PCDHA8: variants seen among roughly 807,000 people sequenced by gnomAD.
PCDHA8 encodes the protein protocadherin alpha-8.
PCDHA8 carries 53 observed loss-of-function variants against 61.8 expected under a neutral mutation model. The observed-to-expected ratio is 0.86, with a 90% CI of 0.69 to 1.08. PCDHA8 has a LOEUF of 1.08. Among genes scored for constraint, PCDHA8 ranks in the 50% least tolerant of loss-of-function variants. The pLI, the probability that PCDHA8 is intolerant of heterozygous loss-of-function variation, is 0.00. For synonymous variants in PCDHA8, 618 were observed against 556.6 expected (o/e 1.11, Z -1.55); for missense variants, 1,293 against 1,245.0 (o/e 1.04, Z -0.58).
At chr5:141,007,977 T>A (rs564286183) in intron 3 of PCDHA8, among the ~76,000 whole-genome samples, 20 of 152,362 alleles carry the variant, frequency 1.3e-4, no homozygotes, top group African/African-American at 4.8e-4. Flanking sequence ...GTCTGTCATG[T>A]ATATATGAAA....
chr5:140,882,364 C>G (rs1582611912), intron 1 of PCDHA8: 13 of 1,614,244 alleles, frequency 8.1e-6, no homozygotes, highest in Non-Finnish European at 1.1e-5. Flanking sequence ...GCCAGCTCCA[C>G]TACTCCGTCC....
intron 1 of PCDHA8, chr5:140,875,324 C>T (rs2055413972): frequency 3.5e-6 from 5 of 1,426,162 alleles, no homozygotes; most frequent in East Asian, 5.0e-5. Context: ...CAATCATTCA[C>T]GGAATAGGAT....
At chr5:140,937,944 G>T (rs2091858064) in intron 1 of PCDHA8, among the ~76,000 whole-genome samples, 1 of 151,532 alleles carries the variant, frequency 6.6e-6, no homozygotes. Flanking sequence ...TTTGATAATT[G>T]GCTTTTGTTG....
intron 1 of PCDHA8, chr5:140,855,963 AT>A: frequency 7.1e-7 from 1 of 1,404,396 alleles, no homozygotes; most frequent in Non-Finnish European, 9.7e-7. Context: ...TAAAAAATAG[AT>A]ATAAGAAATA....
chr5:140,973,631 A>G (rs1554235456), intron 1 of PCDHA8, among the ~76,000 whole-genome samples: 1 of 152,210 alleles, frequency 6.6e-6, no homozygotes, highest in African/African-American at 2.4e-5. Flanking sequence ...TGTATCTTGT[A>G]CACATTCTGA....
chr5:140,858,323 G>A, intron 1 of PCDHA8: 2 of 1,596,704 alleles, frequency 1.3e-6, no homozygotes, highest in Non-Finnish European at 1.7e-6. Context: ...GGTGTGTTCT[G>A]GGGAGGGCCT....
intron 1 of PCDHA8, among the ~76,000 whole-genome samples, chr5:140,936,196 G>A (rs1251323087): frequency 1.3e-5 from 2 of 152,072 alleles, no homozygotes; most frequent in African/African-American, 4.8e-5. Flanking sequence ...CCCAGCCAAA[G>A]TTGTCTTTTT....
intron 1 of PCDHA8, chr5:140,877,328 A>G (rs782817195): frequency 1.2e-6 from 2 of 1,613,980 alleles, no homozygotes; most frequent in Non-Finnish European, 1.7e-6. Context: ...GTCGGCGCGC[A>G]CATCCCGTTC....
At chr5:140,986,828 G>C (rs1001117075) in intron 3 of PCDHA8, among the ~76,000 whole-genome samples, 2 of 152,146 alleles carry the variant, frequency 1.3e-5, no homozygotes, top group African/African-American at 2.4e-5. Flanking sequence ...TTTAGACAAT[G>C]GTTCTCAAAG....
chr5:140,898,670 C>T (rs574817267), intron 1 of PCDHA8, among the ~76,000 whole-genome samples: 20 of 152,200 alleles, frequency 1.3e-4, no homozygotes, highest in South Asian at 6.2e-4. Context: ...CTTGGTGTTG[C>T]GGGCTGTTTT....
Position 140,969,468 on chromosome 5 carries a change from A to G in PCDHA8, c.2395-9481A>G, listed in dbSNP as rs1554231867. 18 of 1,486,304 alleles carry G rather than the reference A, an allele frequency of 1.2e-5. No individual in the cohort carries two copies. In the South Asian group the frequency reaches 2.5e-4, roughly 21 times the overall value. 92.1% of individuals were successfully genotyped at this position (1,486,304 alleles called of 1,614,324 possible). The stretch of plus-strand genomic sequence containing the variant: ...AAACTGAGTATATATAGTATCCACA[A>G]TTTGATCATAATCTGCTATTTCCTC... On this transcript the variant is annotated intron_variant, in intron 1 of 3. Transcript: ENST00000531613.
At chr5:140,898,906 G>A (rs199581699) in intron 1 of PCDHA8, among the ~76,000 whole-genome samples, 45,464 of 151,416 alleles carry the variant, frequency 0.3, 7,269 homozygotes, top group East Asian at 0.52. Context: ...GGTCCTTCAC[G>A]TCCCTTGTAA....
At chr5:140,870,338 T>C in intron 1 of PCDHA8, 1 of 1,614,186 alleles carries the variant, frequency 6.2e-7, no homozygotes, top group Non-Finnish European at 8.5e-7. Context: ...GACAGCGCCC[T>C]GGACCGCGAG....
chr5:140,986,280 C>T (rs2097193236), intron 3 of PCDHA8, among the ~76,000 whole-genome samples: 1 of 152,116 alleles, frequency 6.6e-6, no homozygotes, highest in African/African-American at 2.4e-5. Flanking sequence ...TTTCAGCTTC[C>T]CTTGAGACTG....
chr5:141,009,772 C>T lies in PCDHA8; in HGVS notation c.2688C>T (p.Ile896=). The T allele has an allele frequency of 1.9e-6, 3 of 1,614,158 alleles. No individual in the cohort carries two copies. Among genetic ancestry groups the T allele is most frequent in the Non-Finnish European group, 2.5e-6 (3 of 1,180,032 alleles). The stretch of plus-strand genomic sequence containing the variant: ...TCATTATCCCAGGATCTCCTGCAAT[C>T]ATCTCCATCCGGCAGGAGCCTACTA... ...DKFIIPGSPA[I]ISIRQEPTNS... Residue 896 remains isoleucine (I), a synonymous_variant, in exon 4 of 4, where the codon ATC becomes ATT. Coordinates refer to ENST00000531613, the MANE Select transcript of PCDHA8 (RefSeq NM_018911.3).
chr5:140,910,019 T>C (rs2074838579), intron 1 of PCDHA8, among the ~76,000 whole-genome samples: 1 of 152,222 alleles, frequency 6.6e-6, no homozygotes, highest in Non-Finnish European at 1.5e-5. Flanking sequence ...CATCCTTGTA[T>C]CCCTGGGATA....
chr5:140,858,703 T>C lies in PCDHA8; in HGVS notation c.2394+14988T>C, dbSNP rs918251691. 1.1e-5 allele frequency: 6 copies of C among 560,482 alleles called. 2 individuals carry two copies. The highest frequency in any genetic ancestry group is 1.8e-5 in the Non-Finnish European group (6 of 325,182). 34.7% of individuals were successfully genotyped at this position (560,482 alleles called of 1,614,324 possible). ...ACACTAATATTTTCCAATACAAATATGTGATATAGGTTGCAGTTCTGACGA... is the reference window on the plus strand; with the variant it reads ...ACACTAATATTTTCCAATACAAATACGTGATATAGGTTGCAGTTCTGACGA... On this transcript the variant is annotated intron_variant, in intron 1 of 3. Coordinates refer to ENST00000531613, the MANE Select transcript of PCDHA8 (RefSeq NM_018911.3).
Position 141,010,780 on chromosome 5 carries a change from TGCAAAA to T in PCDHA8, c.*851_*856del, listed in dbSNP as rs1309288663. 1 of 153,816 alleles carries T rather than the reference TGCAAAA, an allele frequency of 6.5e-6. No homozygotes were observed. The highest frequency in any genetic ancestry group is 1.9e-4 in the East Asian group (1 of 5,188). The allele number at this position is 153,816 out of a possible 1,614,324, so 9.5% of individuals were successfully genotyped here. On this transcript the variant is annotated 3_prime_UTR_variant, in exon 4 of 4. Transcript: ENST00000531613. ...AGGCCAGATCCTTTTCCAATACTTATGCAAAAGCAAAAGAAAACCCCGACACCTCAC... is the reference window on the plus strand; with the variant it reads ...AGGCCAGATCCTTTTCCAATACTTATGCAAAAGAAAACCCCGACACCTCAC...
At chr5:140,862,471 C>G in intron 1 of PCDHA8, 3 of 374,584 alleles carry the variant, frequency 8.0e-6, no homozygotes, top group Non-Finnish European at 1.6e-5. Context: ...GAGAGCAAAT[C>G]TATCCATTGT....
Sources: allele counts gnomAD v4.1 joint callset (sites outside exome capture counted in the v4.1 genomes callset), GRCh38; gene constraint gnomAD v4.1.1; transcripts MANE v1.5; gene names NCBI Gene and HGNC (gene_info 2026-07-23, HGNC 2026-07-21).